Variants in PMFBP1 observed in about 807,000 individuals in gnomAD.
PMFBP1 encodes the protein polyamine-modulated factor 1-binding protein 1.
PMFBP1 carries 131 observed loss-of-function variants against 137.8 expected under a neutral mutation model. That is an observed-to-expected ratio of 0.95 (90% CI 0.82 to 1.10). PMFBP1 has a LOEUF of 1.10. Ranked by LOEUF, PMFBP1 falls within the 50% of genes least tolerant of loss-of-function variation. The probability of loss-of-function intolerance (pLI) is 0.00; values close to 1 mark genes in which losing one functional copy is unlikely to be tolerated. For synonymous variants in PMFBP1, 490 were observed against 450.4 expected, an observed-to-expected ratio of 1.09 and a Z score of -1.11; for missense variants, 1,199 against 1,175.4, an observed-to-expected ratio of 1.02 and a Z score of -0.29.
At chr16:72,186,653 G>T in the PMFBP1 span, among the ~76,000 whole-genome samples, 1 of 152,166 alleles carries the variant, frequency 6.6e-6, no homozygotes, top group African/African-American at 2.4e-5. Flanking sequence ...AGAGCAGAAG[G>T]CCTAGAAAGC....
chr16:72,173,944 G>C (rs12927014), upstream of PMFBP1: 1 of 152,192 alleles, frequency 6.6e-6, no homozygotes, highest in Non-Finnish European at 1.5e-5. Context: ...TGCCTCTTGC[G>C]TCTCTGTTGA....
chr16:72,194,740 C>G, the PMFBP1 span, among the ~76,000 whole-genome samples: 2 of 152,104 alleles, frequency 1.3e-5, no homozygotes, highest in Non-Finnish European at 2.9e-5. Flanking sequence ...CCAAATCCAT[C>G]CTTGACAAAG....
chr16:72,202,661 C>G, the PMFBP1 span, among the ~76,000 whole-genome samples: 1 of 152,202 alleles, frequency 6.6e-6, no homozygotes, highest in Non-Finnish European at 1.5e-5. Context: ...TGTCACTTCC[C>G]CAAACTGCAC....
At chr16:72,239,425 G>A in the PMFBP1 span, among the ~76,000 whole-genome samples, 1 of 152,102 alleles carries the variant, frequency 6.6e-6, no homozygotes, top group African/African-American at 2.4e-5. Context: ...AAAATTCTCT[G>A]CGATGCTAAA....
rs535497027 is a variant in PMFBP1, at chr16:72,128,931, G to T, written c.1950+135C>A. On this transcript the variant is annotated intron_variant, in intron 13 of 20. Transcript: ENST00000237353. ...CTCAGGCATTCTCGCTCCCCTCCTC[G>T]CTGGCCTTTCCCACTGTCCCTCCCG... The T allele has an allele frequency of 5.3e-6, 8 of 1,501,790 alleles. No homozygotes were observed. In the African/African-American group the frequency reaches 5.6e-5, roughly 10 times the overall value. The allele number at this position is 1,501,790 out of a possible 1,614,324, so 93.0% of individuals were successfully genotyped here. A position where few individuals can be genotyped will look rare whatever the true frequency, so the allele number is the denominator to read the frequency against.
downstream of PMFBP1, among the ~76,000 whole-genome samples, chr16:72,117,634 T>A (rs915650664): frequency 6.6e-6 from 1 of 152,216 alleles, no homozygotes; most frequent in African/African-American, 2.4e-5. Flanking sequence ...GTATAATGTT[T>A]GTTCTGGGTT....
the PMFBP1 span, among the ~76,000 whole-genome samples, chr16:72,193,340 T>C: frequency 6.6e-4 from 100 of 150,572 alleles, no homozygotes; most frequent in African/African-American, 2.2e-3. Flanking sequence ...AAGTGAACCA[T>C]GATGGTGCCA....
intron 5 of PMFBP1, among the ~76,000 whole-genome samples, chr16:72,142,009 GA>G (rs5817801): frequency 0.6 from 81,688 of 135,436 alleles, 24,088 homozygotes; most frequent in African/African-American, 0.71. Context: ...TATACATCGT[GA>G]AAAAAAAAAA....
the PMFBP1 span, among the ~76,000 whole-genome samples, chr16:72,231,568 T>C: frequency 6.6e-6 from 1 of 152,164 alleles, no homozygotes; most frequent in Non-Finnish European, 1.5e-5. Flanking sequence ...TTTAGATTAG[T>C]GATTCTCAAA....
At chr16:72,229,505 C>T in the PMFBP1 span, among the ~76,000 whole-genome samples, 1 of 152,134 alleles carries the variant, frequency 6.6e-6, no homozygotes, top group African/African-American at 2.4e-5. Flanking sequence ...TCCACAACCT[C>T]ACCAATATTT....
the PMFBP1 span, among the ~76,000 whole-genome samples, chr16:72,205,662 T>G: frequency 2.0e-5 from 3 of 152,214 alleles, no homozygotes; most frequent in East Asian, 5.8e-4. Flanking sequence ...GTCACCTGGC[T>G]GCAGAGTGGC....
the PMFBP1 span, among the ~76,000 whole-genome samples, chr16:72,234,314 C>T: frequency 2.0e-5 from 3 of 152,148 alleles, no homozygotes; most frequent in East Asian, 5.8e-4. Flanking sequence ...CTATCTGGGA[C>T]TTGTGATTAA....
the PMFBP1 span, among the ~76,000 whole-genome samples, chr16:72,231,603 T>C: frequency 6.6e-6 from 1 of 152,164 alleles, no homozygotes; most frequent in African/African-American, 2.4e-5. Context: ...GATCAGTTTT[T>C]AAAACATATC....
At chr16:72,220,141 C>A in the PMFBP1 span, among the ~76,000 whole-genome samples, 1 of 152,156 alleles carries the variant, frequency 6.6e-6, no homozygotes, top group South Asian at 2.1e-4. Flanking sequence ...TATCAAGAGC[C>A]TTAAAAAGAA....
At chr16:72,132,118 T>C (rs1352665848) in intron 10 of PMFBP1, among the ~76,000 whole-genome samples, 1 of 152,192 alleles carries the variant, frequency 6.6e-6, no homozygotes, top group African/African-American at 2.4e-5. Context: ...GTGCTGGGAT[T>C]ATAGGCCTGA....
chr16:72,123,730 A>G (rs1439864620), intron 17 of PMFBP1, 81 bp from the exon 18 acceptor site: 3 of 1,279,892 alleles, frequency 2.3e-6, no homozygotes, highest in Admixed American at 4.4e-5. Flanking sequence ...GGCCTCTTCT[A>G]TCTCCCTGGG....
intron 10 of PMFBP1, among the ~76,000 whole-genome samples, chr16:72,131,337 T>C (rs1177135580): frequency 6.6e-6 from 1 of 152,132 alleles, no homozygotes; most frequent in Non-Finnish European, 1.5e-5. Context: ...AGTGGGGCTT[T>C]GGAGGACTTT....
At chr16:72,125,042 A>G in intron 16 of PMFBP1, 108 bp from the exon 17 acceptor site, 2 of 1,442,820 alleles carry the variant, frequency 1.4e-6, no homozygotes, top group Non-Finnish European at 1.9e-6. Context: ...TGTTGGGGGT[A>G]TTTTCTTCTC....
chr16:72,149,631 T>C (rs1365153292), intron 5 of PMFBP1, among the ~76,000 whole-genome samples: 1 of 152,100 alleles, frequency 6.6e-6, no homozygotes, highest in African/African-American at 2.4e-5. Context: ...AAGACCAGCC[T>C]GGCTAACACG....
Sources: allele counts gnomAD v4.1 joint callset (sites outside exome capture counted in the v4.1 genomes callset), GRCh38; gene constraint gnomAD v4.1.1; transcripts MANE v1.5; gene names NCBI Gene and HGNC (gene_info 2026-07-23, HGNC 2026-07-21).